Variants in ATXN3 observed in about 807,000 individuals in gnomAD.
ATXN3 encodes the protein ataxin-3.
A neutral mutation model predicts 58.2 loss-of-function variants in ATXN3; 28 were observed. That is an observed-to-expected ratio of 0.48 (90% CI 0.36 to 0.66). The LOEUF (loss-of-function observed/expected upper bound fraction) is 0.66, where lower values mean the gene tolerates loss of function less well. Among genes scored for constraint, ATXN3 ranks in the 30% least tolerant of loss-of-function variants. The probability of loss-of-function intolerance (pLI) is 0.00; values close to 1 mark genes in which losing one functional copy is unlikely to be tolerated. For synonymous variants in ATXN3, 113 were observed against 138.5 expected (o/e 0.82, Z 1.29); for missense variants, 321 against 422.1 (o/e 0.76, Z 2.10).
At position 92,075,701 on chromosome 14, in the gene ATXN3, T is replaced by G. The variant is rs923334043; in HGVS notation, c.873-4648A>C. Among the ~76,000 whole-genome samples, 94 of 152,072 alleles carry G rather than the reference T, an allele frequency of 6.2e-4. 1 individual carries two copies. Among genetic ancestry groups the G allele is most frequent in the Non-Finnish European group, 1.2e-4 (8 of 68,030 alleles). On this transcript the variant is annotated intron_variant, in intron 9 of 10. Transcript: ENST00000644486. ...TAGCTTGATAACCTTAGACCCAAGC[T>G]CCCAAAGACAGAACCTAGAGAGACA...
intron 1 of ATXN3, among the ~76,000 whole-genome samples, chr14:92,104,747 AC>A (rs1473798799): frequency 5.9e-5 from 9 of 151,668 alleles, no homozygotes; most frequent in South Asian, 2.1e-4. Context: ...ACATGGTGAA[AC>A]CCTGTCTCTA....
intron 9 of ATXN3, among the ~76,000 whole-genome samples, chr14:92,077,144 AT>A (rs1213527602): frequency 1.3e-5 from 2 of 152,112 alleles, no homozygotes; most frequent in Non-Finnish European, 2.9e-5. Context: ...TCATTGCAAT[AT>A]TAATTATAAT....
chr14:92,064,211 A>C lies in ATXN3; in HGVS notation c.*109T>G. On this transcript the variant is annotated 3_prime_UTR_variant, in exon 11 of 11. Transcript: ENST00000644486. The stretch of plus-strand genomic sequence containing the variant: ...CCATCATTTTGTTTGCAAACCGCTA[A>C]AAGTCTTATTTCCTCATCTCTTTGA... 1.4e-6 allele frequency: 1 copy of C among 692,638 alleles called. No homozygotes were observed. The highest frequency in any genetic ancestry group is 3.0e-5 in the East Asian group (1 of 33,562). The allele number at this position is 692,638 out of a possible 1,614,324, so 42.9% of individuals were successfully genotyped here.
At position 92,096,659 on chromosome 14, in the gene ATXN3, G is replaced by C; in HGVS notation, c.189+15C>G. ...AAAAAAAAGAAATGTGACTTAGTGAGTTTAAAATCAGTACCTGTAAAAACG... is the reference window on the plus strand; with the variant it reads ...AAAAAAAAGAAATGTGACTTAGTGACTTTAAAATCAGTACCTGTAAAAACG... On this transcript the variant is annotated intron_variant, in intron 2 of 10. Transcript: ENST00000644486. The C allele has an allele frequency of 1.3e-6, 2 of 1,547,776 alleles. No homozygotes were observed. The highest frequency in any genetic ancestry group is 1.8e-6 in the Non-Finnish European group (2 of 1,132,670).
chr14:92,093,944 G>GTT (rs10606586), intron 3 of ATXN3, 113 bp from the exon 4 acceptor site: 2,718 of 426,144 alleles, frequency 6.4e-3, no homozygotes, highest in Middle Eastern at 9.1e-3. Flanking sequence ...AAGGCTATAG[G>GTT]TTTTTTTTTT....
chr14:92,080,965 T>C lies in ATXN3; in HGVS notation c.872A>G (p.Lys291Arg). The C allele has an allele frequency of 1.2e-6, 2 of 1,600,154 alleles. No individual in the cohort carries two copies. The highest frequency in any genetic ancestry group is 1.1e-5 in the South Asian group (1 of 90,800). Reference sequence around the variant, plus strand: ...CTTTAACTTGTACCAACTACTTTACTTTTCAAAGTAGGCTTCTCGTCTCTT... The same window carrying C: ...CTTTAACTTGTACCAACTACTTTACCTTTCAAAGTAGGCTTCTCGTCTCTT... ...LRKRREAYFE[K>R]QQQKQQQQQQ... The change falls in exon 9 of 11, where the codon AAA becomes AGA. Residue 291 changes from lysine to arginine, a missense_variant and splice_region_variant. Physicochemically the swap from Lys to Arg is conservative, Grantham distance 26. Transcript: ENST00000644486.
intron 10 of ATXN3, among the ~76,000 whole-genome samples, chr14:92,065,333 G>A (rs922545573): frequency 9.9e-5 from 15 of 152,206 alleles, no homozygotes; most frequent in African/African-American, 3.6e-4. Flanking sequence ...TGCTATGGAT[G>A]TACTACAGTT....
At chr14:92,096,071 G>A (rs370136800) in intron 3 of ATXN3, 22 bp downstream of exon 3, 7 of 1,384,266 alleles carry the variant, frequency 5.1e-6, no homozygotes. Context: ...GCAACACATA[G>A]TACATGCTTG....
intron 4 of ATXN3, 191 bp from the exon 5 acceptor site, chr14:92,093,509 G>T: frequency 1.6e-6 from 1 of 618,914 alleles, no homozygotes; most frequent in South Asian, 2.1e-5. Flanking sequence ...GCCACAAGAT[G>T]GCCTCATGCA....
intron 6 of ATXN3, 89 bp downstream of exon 6, chr14:92,088,641 A>G: frequency 3.1e-6 from 3 of 955,456 alleles, no homozygotes; most frequent in South Asian, 1.5e-5. Flanking sequence ...CACTGCCAGA[A>G]AAACAGTTTT....
At chr14:92,054,854 G>A (rs930602860), downstream of ATXN3, among the ~76,000 whole-genome samples, 26 of 151,322 alleles carry the variant, frequency 1.7e-4, no homozygotes, top group African/African-American at 4.1e-4. Context: ...CCCATAGCAT[G>A]TAAAGTCACT....
chr14:92,106,439 G>T (rs528829474), intron 1 of ATXN3, 90 bp downstream of exon 1: 4 of 1,554,526 alleles, frequency 2.6e-6, no homozygotes, highest in Non-Finnish European at 2.7e-6. Context: ...GGCGACTCGG[G>T]CCCCACCCAG....
intron 3 of ATXN3, among the ~76,000 whole-genome samples, chr14:92,094,886 T>C (rs1410170541): frequency 6.6e-6 from 1 of 151,932 alleles, no homozygotes; most frequent in African/African-American, 2.4e-5. Flanking sequence ...AAGCACTAGA[T>C]GGAAATGCTG....
chr14:92,052,634 C>A (rs1362112239), upstream of ATXN3, among the ~76,000 whole-genome samples: 2 of 152,194 alleles, frequency 1.3e-5, no homozygotes, highest in Non-Finnish European at 2.9e-5. Flanking sequence ...AGCCAAGATG[C>A]CAGTGCCCAT....
In ATXN3 at chr14:92,093,839, G is replaced by T; in HGVS notation, c.235-8C>A. 1 of 1,571,418 alleles carries T rather than the reference G, an allele frequency of 6.4e-7. No homozygotes were observed. ...CAAGGCATTGCTTATAACCTGTTAA[G>T]AAAAATAGCAACTTTTCATAAGCTA... On this transcript the variant is annotated splice_polypyrimidine_tract_variant and splice_region_variant and intron_variant, in intron 3 of 10. Coordinates refer to ENST00000644486, the MANE Select transcript of ATXN3 (RefSeq NM_004993.6).
chr14:92,078,780 T>G (rs186461294), intron 9 of ATXN3, among the ~76,000 whole-genome samples: 230 of 152,314 alleles, frequency 1.5e-3, no homozygotes, highest in Non-Finnish European at 2.6e-3. Context: ...CTAATATATT[T>G]TAGAGACACA....
chr14:92,068,844 C>A (rs1329519154), intron 10 of ATXN3, among the ~76,000 whole-genome samples: 1 of 152,168 alleles, frequency 6.6e-6, no homozygotes, highest in African/African-American at 2.4e-5. Context: ...CCCGCCTCAG[C>A]CTCCCAAAGT....
At chr14:92,088,681 T>C (rs957347391) in intron 6 of ATXN3, 49 bp downstream of exon 6, 4 of 1,303,554 alleles carry the variant, frequency 3.1e-6, no homozygotes, top group African/African-American at 2.9e-5. Flanking sequence ...TGCCTGGTTA[T>C]TTAACTACTT....
chr14:92,080,805 G>A, intron 9 of ATXN3, 160 bp downstream of exon 9: 1 of 657,186 alleles, frequency 1.5e-6, no homozygotes, highest in Non-Finnish European at 2.7e-6. Flanking sequence ...CAAACTGCTA[G>A]CATCACAGGC....
Sources: allele counts gnomAD v4.1 joint callset (sites outside exome capture counted in the v4.1 genomes callset), GRCh38; gene constraint gnomAD v4.1.1; transcripts MANE v1.5; gene names NCBI Gene and HGNC (gene_info 2026-07-23, HGNC 2026-07-21).